ANKMY1: variants seen among roughly 807,000 people sequenced by gnomAD.
ANKMY1 encodes the protein ankyrin repeat and MYND domain-containing protein 1.
ANKMY1 carries 98 observed loss-of-function variants against 102.0 expected under a neutral mutation model. The ratio of observed to expected loss-of-function variants is 0.96; its 90% CI spans 0.82 to 1.14. The LOEUF (loss-of-function observed/expected upper bound fraction) is 1.14, where lower values mean the gene tolerates loss of function less well. Among genes scored for constraint, ANKMY1 ranks in the 50% most tolerant of loss-of-function variants. ANKMY1 has a pLI of 0.00. For synonymous variants in ANKMY1, 582 were observed against 559.9 expected, an observed-to-expected ratio of 1.04 and a Z score of -0.56; for missense variants, 1,330 against 1,347.6, an observed-to-expected ratio of 0.99 and a Z score of 0.20.
In ANKMY1 at chr2:240,482,222, G is replaced by A. The variant is rs1233105278; in HGVS notation, c.2846C>T (p.Pro949Leu). Residue 949 changes from proline to leucine, a missense_variant, in exon 16 of 18, where the codon CCC (proline) becomes CTC (leucine). Coordinates refer to ENST00000401804, the MANE Select transcript of ANKMY1 (RefSeq NM_001282771.3). ...IPSHRMKKKGPSLPRGLDVKE... is the reference protein window; with the variant it reads ...IPSHRMKKKGLSLPRGLDVKE... ...CACATCCAGGCCCCTGGGCAGGCTG[G>A]GGCCCTTCTTCTTCATCCTGTGGCT... 6.2e-7 allele frequency: 1 copy of A among 1,612,896 alleles called. No individual in the cohort carries two copies. Among genetic ancestry groups the A allele is most frequent in the South Asian group, 1.1e-5 (1 of 90,790 alleles).
At chr2:240,486,613 G>T (rs911166339) in intron 15 of ANKMY1, among the ~76,000 whole-genome samples, 1 of 152,188 alleles carries the variant, frequency 6.6e-6, no homozygotes, top group Admixed American at 6.5e-5. Context: ...AAGTTAACTT[G>T]CTGGATATAA....
intron 12 of ANKMY1, among the ~76,000 whole-genome samples, chr2:240,508,966 C>T (rs2079589819): frequency 1.3e-5 from 2 of 151,252 alleles, no homozygotes; most frequent in Admixed American, 1.3e-4. Flanking sequence ...ACATGAGTGA[C>T]TGGTTAAAAG....
At chr2:240,539,042 A>G (rs1334388293) in intron 4 of ANKMY1, among the ~76,000 whole-genome samples, 2 of 152,220 alleles carry the variant, frequency 1.3e-5, no homozygotes, top group Admixed American at 6.5e-5. Context: ...AAAATGGACC[A>G]ATCAGCAGGA....
rs1407744811 is a variant in ANKMY1, at chr2:240,491,350, T to C, written c.2806+8608A>G. Among the ~76,000 whole-genome samples the C allele has an allele frequency of 3.3e-5, 5 of 152,204 alleles. No homozygotes were observed. In the East Asian group the frequency reaches 7.7e-4, roughly 23 times the overall value. Reference sequence around the variant, plus strand: ...TTTAATTTGTTCATGTTCAAGGTTATTCTTGATATGTAAGGCTTTGTTCCC... The same window carrying C: ...TTTAATTTGTTCATGTTCAAGGTTACTCTTGATATGTAAGGCTTTGTTCCC... On this transcript the variant is annotated intron_variant, in intron 15 of 17. Transcript: ENST00000401804.
At chr2:240,494,357 C>T (rs1473972511) in intron 15 of ANKMY1, among the ~76,000 whole-genome samples, 2 of 152,188 alleles carry the variant, frequency 1.3e-5, no homozygotes, top group African/African-American at 4.8e-5. Context: ...GCCACCCTGA[C>T]TGCATCAGCC....
intron 9 of ANKMY1, among the ~76,000 whole-genome samples, chr2:240,518,300 T>C (rs953983300): frequency 2.0e-5 from 3 of 152,184 alleles, no homozygotes; most frequent in Non-Finnish European, 4.4e-5. Context: ...TCACAGCATC[T>C]GGACAGTGAG....
At chr2:240,556,478 A>G (rs2092359614) in intron 2 of ANKMY1, among the ~76,000 whole-genome samples, 1 of 152,232 alleles carries the variant, frequency 6.6e-6, no homozygotes, top group African/African-American at 2.4e-5. Flanking sequence ...GTTTGAGCAC[A>G]AAGGAGATTC....
chr2:240,489,217 G>A (rs2076372058), intron 15 of ANKMY1, among the ~76,000 whole-genome samples: 1 of 152,154 alleles, frequency 6.6e-6, no homozygotes, highest in African/African-American at 2.4e-5. Context: ...ACTTTGGGAG[G>A]CCACGGCAGG....
chr2:240,496,629 G>T (rs563435243), intron 15 of ANKMY1, among the ~76,000 whole-genome samples: 5 of 152,274 alleles, frequency 3.3e-5, no homozygotes, highest in South Asian at 2.1e-4. Flanking sequence ...AGCTTCTGAG[G>T]TTCCTTCTCA....
chr2:240,477,521 G>C (rs754389726), downstream of ANKMY1, among the ~76,000 whole-genome samples: 6 of 152,034 alleles, frequency 3.9e-5, no homozygotes, highest in Non-Finnish European at 8.8e-5. Context: ...ACAGCCTCCT[G>C]AGTAGCTGGG....
At chr2:240,540,485 A>G (rs1003620597) in intron 4 of ANKMY1, among the ~76,000 whole-genome samples, 10 of 152,332 alleles carry the variant, frequency 6.6e-5, no homozygotes, top group African/African-American at 2.2e-4. Flanking sequence ...AAAAAGTGTC[A>G]AAGAACTGAA....
At chr2:240,540,042 G>T (rs2088249926) in intron 4 of ANKMY1, among the ~76,000 whole-genome samples, 1 of 152,206 alleles carries the variant, frequency 6.6e-6, no homozygotes, top group African/African-American at 2.4e-5. Context: ...GCATGGCAAG[G>T]CCACACCTGC....
downstream of ANKMY1, among the ~76,000 whole-genome samples, chr2:240,475,708 A>G (rs764155319): frequency 1.3e-5 from 2 of 151,956 alleles, no homozygotes; most frequent in Non-Finnish European, 2.9e-5. Context: ...CTGATATTGT[A>G]TCTTGCAACT....
chr2:240,526,528 C>T (rs2083452288), intron 5 of ANKMY1, 83 bp from the exon 6 acceptor site: 4 of 1,572,444 alleles, frequency 2.5e-6, no homozygotes, highest in Admixed American at 1.8e-5. Context: ...CACCTCCCTC[C>T]AATGCCTCTC....
intron 2 of ANKMY1, 107 bp from the exon 3 acceptor site, chr2:240,555,162 A>T: frequency 1.6e-6 from 2 of 1,233,544 alleles, no homozygotes; most frequent in Non-Finnish European, 2.3e-6. Flanking sequence ...TTCATCCCAC[A>T]GTCCCGGGGC....
At chr2:240,510,843 C>T (rs1299943847) in intron 11 of ANKMY1, among the ~76,000 whole-genome samples, 1 of 152,150 alleles carries the variant, frequency 6.6e-6, no homozygotes, top group Non-Finnish European at 1.5e-5. Flanking sequence ...TTCCCCACAA[C>T]TTTCCCAATC....
chr2:240,509,598 G>A (rs2079745524), intron 11 of ANKMY1, 143 bp from the exon 12 acceptor site: 1 of 626,914 alleles, frequency 1.6e-6, no homozygotes. Flanking sequence ...CTGACACAAG[G>A]TGTTCAAAAT....
At chr2:240,552,559 AAG>A (rs2091702581) in intron 4 of ANKMY1, among the ~76,000 whole-genome samples, 1 of 152,230 alleles carries the variant, frequency 6.6e-6, no homozygotes, top group Non-Finnish European at 1.5e-5. Flanking sequence ...ACTGTAATAA[AAG>A]GGGGAAAGGC....
At chr2:240,487,093 T>C (rs1268880100) in intron 15 of ANKMY1, among the ~76,000 whole-genome samples, 1 of 152,214 alleles carries the variant, frequency 6.6e-6, no homozygotes, top group African/African-American at 2.4e-5. Flanking sequence ...ACTGCATCTT[T>C]GTACCCTTTA....
Sources: gnomAD v4.1 joint callset for allele counts (sites outside exome capture counted in the v4.1 genomes callset) on GRCh38, gnomAD v4.1.1 for gene constraint, MANE v1.5 for transcripts, NCBI Gene and HGNC (gene_info 2026-07-23, HGNC 2026-07-21) for gene names.